RTN4R: variants seen among roughly 807,000 people sequenced by gnomAD.
RTN4R encodes the protein reticulon-4 receptor.
A neutral mutation model predicts 27.7 loss-of-function variants in RTN4R; 4 were observed. The observed-to-expected ratio is 0.14, with a 90% CI of 0.07 to 0.33. The LOEUF is 0.33. RTN4R is among the 10% of genes least tolerant of loss of function. The pLI, the probability that RTN4R is intolerant of heterozygous loss-of-function variation, is 1.00. For synonymous variants in RTN4R, 290 were observed against 305.6 expected, an observed-to-expected ratio of 0.95 and a Z score of 0.53; for missense variants, 554 against 671.5, an observed-to-expected ratio of 0.83 and a Z score of 1.93.
In RTN4R at chr22:20,241,761, T is replaced by G. The variant is rs770403904; in HGVS notation, c.1372A>C (p.Thr458Pro). The change falls in exon 2 of 2, where the codon ACC becomes CCC. Residue 458 changes from threonine (T) to proline (P), a missense_variant. Thr to Pro is a conservative substitution (Grantham distance 38). This residue lies in a region of RTN4R where 141 missense variants were observed against 129.2 expected (regional missense o/e 1.09). Coordinates refer to ENST00000043402, the MANE Select transcript of RTN4R (RefSeq NM_023004.6). ...AGCACCAGCGCCAGGCCCAGGGGGG[T>G]GAGGCTGCAGGTGAGGCTGGGTAGG... Reference protein sequence around the residue: ...GALPSLTCSLTPLGLALVLWT... With the variant: ...GALPSLTCSLPPLGLALVLWT... 4.0e-4 allele frequency: 617 copies of G among 1,552,214 alleles called. 3 individuals carry two copies. Among genetic ancestry groups the G allele is most frequent in the Non-Finnish European group, 3.1e-4 (355 of 1,148,068 alleles).
At chr22:20,259,228 G>A (rs887807606) in intron 1 of RTN4R, among the ~76,000 whole-genome samples, 5 of 152,312 alleles carry the variant, frequency 3.3e-5, no homozygotes, top group Non-Finnish European at 5.9e-5. Flanking sequence ...GTGAAGAATG[G>A]ACTCCATTAG....
intron 1 of RTN4R, among the ~76,000 whole-genome samples, chr22:20,253,446 T>C (rs993725632): frequency 6.6e-6 from 1 of 151,806 alleles, no homozygotes; most frequent in Non-Finnish European, 1.5e-5. Flanking sequence ...GAAATGAGGG[T>C]GATGCAGAGT....
rs2051107074 is a variant in RTN4R, at chr22:20,241,730, G to A, written c.1403C>T (p.Thr468Ile). 3 of 1,550,346 alleles carry A rather than the reference G, an allele frequency of 1.9e-6. No homozygotes were observed. The highest frequency in any genetic ancestry group is 2.6e-6 in the Non-Finnish European group (3 of 1,147,040). ...TGGGGGTCAGCAGGGCCCAAGCACT[G>A]TCCACAGCACCAGCGCCAGGCCCAG... ...TPLGLALVLW[T>I]VLGPC The change falls in exon 2 of 2, where the codon ACA (threonine) becomes ATA (isoleucine). Residue 468 changes from threonine to isoleucine, a missense_variant. By Grantham distance (89) the Thr-to-Ile change is moderately conservative. Around this residue, in one of 2 missense-constraint regions of RTN4R, gnomAD observed 141 missense variants for 129.2 expected, o/e 1.09. Transcript: ENST00000043402.
At chr22:20,267,267 G>T (rs1004201779) in intron 1 of RTN4R, among the ~76,000 whole-genome samples, 11 of 152,258 alleles carry the variant, frequency 7.2e-5, no homozygotes, top group African/African-American at 2.7e-4. Flanking sequence ...TGTGCAGCCT[G>T]CGGCACCATG....
intron 1 of RTN4R, among the ~76,000 whole-genome samples, chr22:20,257,069 C>G (rs1255371941): frequency 3.9e-5 from 6 of 152,234 alleles, no homozygotes; most frequent in African/African-American, 1.4e-4. Context: ...AAATGTTAGT[C>G]ATGTGAATGC....
chr22:20,249,262 T>C, intron 1 of RTN4R: 1 of 526,232 alleles, frequency 1.9e-6, no homozygotes, highest in Non-Finnish European at 3.9e-6. Context: ...GGGGACGCAC[T>C]CTGAGCCAGG....
At chr22:20,256,119 G>A (rs2051210938) in intron 1 of RTN4R, among the ~76,000 whole-genome samples, 2 of 152,218 alleles carry the variant, frequency 1.3e-5, no homozygotes, top group South Asian at 4.1e-4. Context: ...GCTACTTCCT[G>A]AGGCTGATGC....
chr22:20,262,831 A>G (rs1486231008), intron 1 of RTN4R, among the ~76,000 whole-genome samples: 3 of 152,308 alleles, frequency 2.0e-5, no homozygotes, highest in Admixed American at 1.3e-4. Flanking sequence ...GCCTTGGGGA[A>G]TGGGGGACTT....
intron 1 of RTN4R, among the ~76,000 whole-genome samples, chr22:20,250,836 T>TAC (rs1046143876): frequency 5.3e-5 from 8 of 150,778 alleles, no homozygotes; most frequent in Non-Finnish European, 1.0e-4. Context: ...TAGCTGGGAT[T>TAC]ACACACACAC....
chr22:20,241,534 C>T lies in RTN4R; in HGVS notation c.*177G>A, dbSNP rs781438717. On this transcript the variant is annotated 3_prime_UTR_variant, in exon 2 of 2. Coordinates refer to ENST00000043402, the MANE Select transcript of RTN4R (RefSeq NM_023004.6). ...GGCGTTCTGGAACAAACGCTGCCGC[C>T]GAACCCTGTAAACATGATGGGGTGG... is the stretch of plus-strand genomic sequence containing the variant. 1.2e-5 allele frequency: 8 copies of T among 663,110 alleles called. No individual in the cohort carries two copies. Among genetic ancestry groups the T allele is most frequent in the African/African-American group, 7.2e-5 (4 of 55,228 alleles). 41.1% of individuals were successfully genotyped at this position (663,110 alleles called of 1,614,324 possible).
chr22:20,264,768 G>A (rs1428897733), intron 1 of RTN4R, among the ~76,000 whole-genome samples: 3 of 152,188 alleles, frequency 2.0e-5, no homozygotes, highest in East Asian at 1.9e-4. Context: ...GCCAGCTCCC[G>A]CAGACCCTGA....
intron 1 of RTN4R, among the ~76,000 whole-genome samples, chr22:20,260,991 C>T (rs2051243014): frequency 6.6e-6 from 1 of 152,234 alleles, no homozygotes; most frequent in African/African-American, 2.4e-5. Context: ...CATAGCCTCT[C>T]AGCCCCACTG....
In RTN4R at chr22:20,268,211, CG is replaced by C. The variant is rs1399366404; in HGVS notation, c.-120del. ...CTACGGCCCGGCCCCGGCCCGGCCG[CG>C]GGACGAGGCTCGGCGCGCTCCGCTC... On this transcript the variant is annotated 5_prime_UTR_variant, in exon 1 of 2. Coordinates refer to ENST00000043402, the MANE Select transcript of RTN4R (RefSeq NM_023004.6). 1 of 273,276 alleles carries C rather than the reference CG, an allele frequency of 3.7e-6. No individual in the cohort carries two copies. The highest frequency in any genetic ancestry group is 5.5e-6 in the Non-Finnish European group (1 of 183,080). The allele number at this position is 273,276 out of a possible 1,614,324, so 16.9% of individuals were successfully genotyped here. A position where few individuals can be genotyped will look rare whatever the true frequency, so the allele number is the denominator to read the frequency against.
chr22:20,246,872 T>C (rs1449202842), intron 1 of RTN4R, among the ~76,000 whole-genome samples: 1 of 152,236 alleles, frequency 6.6e-6, no homozygotes, highest in East Asian at 1.9e-4. Flanking sequence ...CATCACCTGC[T>C]ATAAAAAGTG....
intron 1 of RTN4R, among the ~76,000 whole-genome samples, chr22:20,259,220 G>C (rs2051230377): frequency 2.0e-5 from 3 of 152,226 alleles, no homozygotes; most frequent in African/African-American, 7.2e-5. Context: ...GGCAGCGGGT[G>C]AAGAATGGAC....
Position 20,242,607 on chromosome 22 carries a change from C to T in RTN4R, c.526G>A (p.Asp176Asn). ...LQALPDDTFR[D>N]LGNLTHLFLH... ...AAGAGGTGTGTGAGGTTGCCCAGGTCGCGGAAGGTGTCATCAGGCAGTGCC... is the reference window on the plus strand; with the variant it reads ...AAGAGGTGTGTGAGGTTGCCCAGGTTGCGGAAGGTGTCATCAGGCAGTGCC... The change falls in exon 2 of 2, where the codon GAC (aspartate) becomes AAC (asparagine). Residue 176 changes from aspartate (D) to asparagine (N), a missense_variant. This residue lies in a region of RTN4R where 413 missense variants were observed against 542.3 expected (regional missense o/e 0.76). Transcript: ENST00000043402. 7 of 1,610,242 alleles carry T rather than the reference C, an allele frequency of 4.3e-6. No individual in the cohort carries two copies. Among genetic ancestry groups the T allele is most frequent in the Admixed American group, 1.7e-5 (1 of 59,806 alleles).
rs140080129 is a variant in RTN4R, at chr22:20,242,608, G to A, written c.525C>T (p.Arg175=). The A allele has an allele frequency of 6.0e-5, 96 of 1,612,956 alleles. No homozygotes were observed. The highest frequency in any genetic ancestry group is 7.6e-5 in the Non-Finnish European group (90 of 1,179,920). The change falls in exon 2 of 2, where the codon CGC becomes CGT. Residue 175 remains arginine, a synonymous_variant. Coordinates refer to ENST00000043402, the MANE Select transcript of RTN4R (RefSeq NM_023004.6). ...AGAGGTGTGTGAGGTTGCCCAGGTC[G>A]CGGAAGGTGTCATCAGGCAGTGCCT... ...ALQALPDDTF[R]DLGNLTHLFL... is the part of the protein sequence containing the mutation.
chr22:20,265,726 G>T (rs1367742014), intron 1 of RTN4R, among the ~76,000 whole-genome samples: 2 of 152,240 alleles, frequency 1.3e-5, no homozygotes, highest in Non-Finnish European at 2.9e-5. Flanking sequence ...CATGGATGGG[G>T]TGAGGGGCCA....
intron 1 of RTN4R, among the ~76,000 whole-genome samples, chr22:20,251,500 ATCATCACCATCACCATCC>A (rs1370038411): frequency 2.6e-5 from 4 of 152,000 alleles, no homozygotes; most frequent in Non-Finnish European, 5.9e-5. Flanking sequence ...AAACATACTC[ATCATCACCATCACCATCC>A]TCATCACCAT....
Sources: allele counts gnomAD v4.1 joint callset (sites outside exome capture counted in the v4.1 genomes callset), GRCh38; gene constraint gnomAD v4.1.1; regional missense constraint gnomAD v4.1.1; transcripts MANE v1.5; gene names NCBI Gene and HGNC (gene_info 2026-07-23, HGNC 2026-07-21).